The following TRDN variants were observed in gnomAD, a reference collection of about 807,000 sequenced individuals.
The protein encoded by TRDN is triadin.
In TRDN, 161 loss-of-function variants were observed where a neutral mutation model predicts 149.7. The observed-to-expected ratio is 1.08, with a 90% CI of 0.95 to 1.23. The LOEUF (loss-of-function observed/expected upper bound fraction) is 1.23, where lower values mean the gene tolerates loss of function less well. Among genes scored for constraint, TRDN ranks in the 50% most tolerant of loss-of-function variants. The probability of loss-of-function intolerance (pLI) is 0.00; values close to 1 mark genes in which losing one functional copy is unlikely to be tolerated. For missense variants in TRDN, 896 were observed against 823.5 expected, an observed-to-expected ratio of 1.09 and a Z score of -1.08; for synonymous variants, 294 against 250.5, an observed-to-expected ratio of 1.17 and a Z score of -1.64.
At chr6:123,355,632 T>A (rs1237405373) in intron 20 of TRDN, among the ~76,000 whole-genome samples, 1 of 151,702 alleles carries the variant, frequency 6.6e-6, no homozygotes, top group East Asian at 1.9e-4. Flanking sequence ...AGTCAGCTTA[T>A]CAATTTAAAT....
intron 24 of TRDN, among the ~76,000 whole-genome samples, chr6:123,314,414 C>T (rs542108048): frequency 1.3e-5 from 2 of 151,900 alleles, no homozygotes; most frequent in African/African-American, 2.4e-5. Flanking sequence ...TAAATTAGTT[C>T]GACCATTGTG....
intron 1 of TRDN, among the ~76,000 whole-genome samples, chr6:123,620,543 AT>A (rs141840581): frequency 0.036 from 5,436 of 151,684 alleles, 288 homozygotes; most frequent in African/African-American, 0.12. Flanking sequence ...TACAAATAGA[AT>A]TTTTTTTTCG....
At chr6:123,253,644 C>G (rs1034604316) in intron 37 of TRDN, among the ~76,000 whole-genome samples, 1 of 151,932 alleles carries the variant, frequency 6.6e-6, no homozygotes, top group African/African-American at 2.4e-5. Flanking sequence ...TAAGAATATG[C>G]CTGCTCTCAA....
intron 21 of TRDN, chr6:123,352,214 C>T (rs528840047): frequency 4.1e-6 from 4 of 983,986 alleles, no homozygotes; most frequent in Non-Finnish European, 4.8e-6. Context: ...GTGTTAAAAC[C>T]ACAAATCAAA....
intron 1 of TRDN, among the ~76,000 whole-genome samples, chr6:123,633,794 G>A (rs1016919878): frequency 2.6e-5 from 4 of 151,982 alleles, no homozygotes; most frequent in African/African-American, 9.7e-5. Context: ...GGAACCTGCA[G>A]TGGAAATTGA....
chr6:123,499,418 A>G (rs1778582699), intron 8 of TRDN, among the ~76,000 whole-genome samples: 1 of 151,850 alleles, frequency 6.6e-6, no homozygotes, highest in African/African-American at 2.4e-5. Flanking sequence ...TGGGTTCCAC[A>G]TTGGAGCATT....
chr6:123,584,807 G>A (rs1005868168), intron 1 of TRDN, among the ~76,000 whole-genome samples: 2 of 152,154 alleles, frequency 1.3e-5, no homozygotes, highest in African/African-American at 4.8e-5. Context: ...GGATTGTGGA[G>A]GGAGGTATTG....
At chr6:123,497,925 CAAAA>C (rs1022021395) in intron 8 of TRDN, among the ~76,000 whole-genome samples, 5 of 152,052 alleles carry the variant, frequency 3.3e-5, no homozygotes, top group African/African-American at 9.6e-5. Flanking sequence ...AACAAACAAA[CAAAA>C]AAAACATAGT....
chr6:123,223,032 T>C (rs1031346354), intron 39 of TRDN, among the ~76,000 whole-genome samples: 3 of 151,796 alleles, frequency 2.0e-5, no homozygotes, highest in African/African-American at 7.2e-5. Context: ...AAGAGAACAC[T>C]TGTAGACTGT....
intron 22 of TRDN, among the ~76,000 whole-genome samples, chr6:123,335,799 C>G (rs1779840138): frequency 6.6e-6 from 1 of 151,752 alleles, no homozygotes; most frequent in African/African-American, 2.4e-5. Context: ...CATTAATGTC[C>G]CCAAATGTCT....
At chr6:123,272,201 T>G (rs940156900) in intron 29 of TRDN, among the ~76,000 whole-genome samples, 7 of 151,984 alleles carry the variant, frequency 4.6e-5, no homozygotes, top group African/African-American at 1.7e-4. Flanking sequence ...GCAAAGGATT[T>G]CCTAAGATTT....
chr6:123,433,071 A>C (rs1774396905), intron 12 of TRDN, among the ~76,000 whole-genome samples: 1 of 147,292 alleles, frequency 6.8e-6, no homozygotes, highest in African/African-American at 2.5e-5. Flanking sequence ...AATAAAGTCC[A>C]AACACCTATA....
intron 10 of TRDN, among the ~76,000 whole-genome samples, chr6:123,440,352 A>C (rs1162822273): frequency 6.6e-6 from 1 of 152,216 alleles, no homozygotes; most frequent in Non-Finnish European, 1.5e-5. Context: ...GATAGAAATA[A>C]ACCAATTGAT....
chr6:123,383,566 G>A (rs145883282), intron 14 of TRDN, among the ~76,000 whole-genome samples: 1 of 152,086 alleles, frequency 6.6e-6, no homozygotes, highest in African/African-American at 2.4e-5. Flanking sequence ...TGAATTTGTG[G>A]TATATTCATA....
intron 24 of TRDN, among the ~76,000 whole-genome samples, chr6:123,309,923 T>G (rs1778753062): frequency 6.6e-6 from 1 of 152,036 alleles, no homozygotes; most frequent in South Asian, 2.1e-4. Context: ...CAAGGTGCCA[T>G]GCACAGTCAA....
At chr6:123,632,290 T>C (rs1786046455) in intron 1 of TRDN, among the ~76,000 whole-genome samples, 1 of 152,048 alleles carries the variant, frequency 6.6e-6, no homozygotes, top group Admixed American at 6.6e-5. Flanking sequence ...GTATTTCCTT[T>C]TCCTTCCCTC....
At chr6:123,365,828 G>A (rs1280989591) in intron 20 of TRDN, among the ~76,000 whole-genome samples, 1 of 152,126 alleles carries the variant, frequency 6.6e-6, no homozygotes, top group Admixed American at 6.5e-5. Context: ...GCAGTATGTT[G>A]CACTAGAATG....
chr6:123,270,070 C>T (rs1777156501), intron 30 of TRDN, among the ~76,000 whole-genome samples: 1 of 151,980 alleles, frequency 6.6e-6, no homozygotes, highest in African/African-American at 2.4e-5. Flanking sequence ...ACATGCTACG[C>T]ACATAAAATT....
chr6:123,359,997 G>T (rs774861725), intron 20 of TRDN, among the ~76,000 whole-genome samples: 1 of 152,064 alleles, frequency 6.6e-6, no homozygotes, highest in Non-Finnish European at 1.5e-5. Flanking sequence ...GCCTGGCCGT[G>T]AAGGGGAATT....
Sources: gnomAD v4.1 joint callset for allele counts (sites outside exome capture counted in the v4.1 genomes callset) on GRCh38, gnomAD v4.1.1 for gene constraint, MANE v1.5 for transcripts, NCBI Gene and HGNC (gene_info 2026-07-23, HGNC 2026-07-21) for gene names.